S100Z: variants seen among roughly 807,000 people sequenced by gnomAD.
S100Z encodes the protein S100 calcium binding protein Z.
In S100Z, 11 loss-of-function variants were observed where a neutral mutation model predicts 8.5. The ratio of observed to expected loss-of-function variants is 1.30; its 90% CI spans 0.82 to 2.15. S100Z has a LOEUF of 2.15. S100Z is among the 30% of genes most tolerant of loss of function. The pLI is 0.00. For synonymous variants in S100Z, 34 were observed against 43.8 expected (o/e 0.78, Z 0.89); for missense variants, 126 against 117.9 (o/e 1.07, Z -0.32).
intron 1 of S100Z, among the ~76,000 whole-genome samples, chr5:76,857,963 A>G (rs1054839032): frequency 1.3e-5 from 2 of 152,210 alleles, no homozygotes; most frequent in Admixed American, 1.3e-4. Context: ...AGCTAACTTA[A>G]AAAGTGGCTT....
At chr5:76,880,368 A>G (rs1352454687) in intron 4 of S100Z, among the ~76,000 whole-genome samples, 1 of 152,136 alleles carries the variant, frequency 6.6e-6, no homozygotes, top group Non-Finnish European at 1.5e-5. Flanking sequence ...AAAATAAAAC[A>G]AAATAGTGGT....
chr5:76,909,617 C>A (rs754316393), intron 4 of S100Z, among the ~76,000 whole-genome samples: 1 of 152,138 alleles, frequency 6.6e-6, no homozygotes, highest in Admixed American at 6.5e-5. Flanking sequence ...TAATCTCCCC[C>A]GCCCAGAAGG....
chr5:76,860,268 T>C (rs191057040), intron 1 of S100Z, among the ~76,000 whole-genome samples: 1 of 152,262 alleles, frequency 6.6e-6, no homozygotes, highest in East Asian at 1.9e-4. Flanking sequence ...ATTGCCACTG[T>C]AGCCAGTATA....
At chr5:76,873,856 C>T (rs191484647) in intron 2 of S100Z, among the ~76,000 whole-genome samples, 1 of 152,192 alleles carries the variant, frequency 6.6e-6, no homozygotes. Flanking sequence ...TACATGGACT[C>T]TTTCTTTATT....
At chr5:76,863,643 A>G (rs1006354988) in intron 1 of S100Z, among the ~76,000 whole-genome samples, 6 of 152,106 alleles carry the variant, frequency 3.9e-5, no homozygotes, top group East Asian at 1.9e-4. Context: ...GGTTCACGCC[A>G]TTCTCCTGCC....
the S100Z span, among the ~76,000 whole-genome samples, chr5:76,937,496 C>A: frequency 6.6e-6 from 1 of 151,952 alleles, no homozygotes; most frequent in East Asian, 1.9e-4. Flanking sequence ...TGGCTCATGC[C>A]TATAATCCCA....
At chr5:76,894,336 C>A (rs1333684794) in intron 4 of S100Z, among the ~76,000 whole-genome samples, 2 of 152,142 alleles carry the variant, frequency 1.3e-5, no homozygotes, top group Admixed American at 1.3e-4. Flanking sequence ...CTCATGCTTC[C>A]CTAAAATGTA....
chr5:76,887,506 T>C (rs758822708), intron 4 of S100Z, among the ~76,000 whole-genome samples: 4 of 149,876 alleles, frequency 2.7e-5, no homozygotes, highest in Non-Finnish European at 5.9e-5. Flanking sequence ...TTCAAGCAAT[T>C]CTCATGCCTC....
chr5:76,906,985 T>TATATATATATATATATAC (rs1744463798), intron 4 of S100Z, among the ~76,000 whole-genome samples: 1 of 9,494 alleles, frequency 1.1e-4, no homozygotes, highest in Non-Finnish European at 2.0e-4. Flanking sequence ...TGTATATATA[T>TATATATATATATATATAC]ATATATATAT....
At chr5:76,852,059 T>TA (rs200830665) in intron 1 of S100Z, among the ~76,000 whole-genome samples, 5,383 of 145,078 alleles carry the variant, frequency 0.037, 150 homozygotes, top group African/African-American at 0.078. Flanking sequence ...CTTTTTCTTT[T>TA]AAAAAAAAAA....
downstream of S100Z, among the ~76,000 whole-genome samples, chr5:76,925,381 G>A (rs951552561): frequency 6.6e-6 from 1 of 152,114 alleles, no homozygotes; most frequent in Admixed American, 6.5e-5. Flanking sequence ...CCGGGGCTTC[G>A]CCTTGTGAAG....
chr5:76,930,394 C>G, the S100Z span, among the ~76,000 whole-genome samples: 4 of 152,148 alleles, frequency 2.6e-5, no homozygotes, highest in African/African-American at 9.7e-5. Context: ...ATGATACACC[C>G]AAGGTCCCTA....
At chr5:76,863,589 A>G (rs143471393) in intron 1 of S100Z, among the ~76,000 whole-genome samples, 1,761 of 152,064 alleles carry the variant, frequency 0.012, 33 homozygotes, top group African/African-American at 0.04. Flanking sequence ...CCCAGGCTGG[A>G]GTGCAGTGGC....
At chr5:76,902,875 G>A (rs1744284074) in intron 4 of S100Z, among the ~76,000 whole-genome samples, 1 of 152,056 alleles carries the variant, frequency 6.6e-6, no homozygotes, top group South Asian at 2.1e-4. Context: ...AAACATTCTT[G>A]GATTTTTCTG....
chr5:76,894,016 C>T (rs916629085), intron 4 of S100Z, among the ~76,000 whole-genome samples: 1 of 152,180 alleles, frequency 6.6e-6, no homozygotes, highest in African/African-American at 2.4e-5. Context: ...ACCTGAAAGA[C>T]TGGTTCAGGT....
intron 1 of S100Z, among the ~76,000 whole-genome samples, chr5:76,861,836 T>C (rs77030086): frequency 0.042 from 6,363 of 152,320 alleles, 236 homozygotes; most frequent in African/African-American, 0.1. Flanking sequence ...GTCATCAGTA[T>C]AAATAACGCA....
chr5:76,907,023 T>TATAC (rs1744478883), intron 4 of S100Z, among the ~76,000 whole-genome samples: 6 of 89,918 alleles, frequency 6.7e-5, no homozygotes, highest in South Asian at 3.5e-4. Context: ...TATATATATA[T>TATAC]ACATATATAT....
chr5:76,943,225 A>T, the S100Z span, among the ~76,000 whole-genome samples: 3 of 152,152 alleles, frequency 2.0e-5, no homozygotes, highest in Non-Finnish European at 2.9e-5. Context: ...GAGGACCGAA[A>T]CAGCTAGGGC....
chr5:76,904,331 G>A (rs1014700653), intron 4 of S100Z, among the ~76,000 whole-genome samples: 3 of 151,990 alleles, frequency 2.0e-5, no homozygotes, highest in Non-Finnish European at 4.4e-5. Flanking sequence ...AGTAGCTGGA[G>A]TGCATTGGCA....
Sources: allele counts gnomAD v4.1 joint callset (sites outside exome capture counted in the v4.1 genomes callset), GRCh38; gene constraint gnomAD v4.1.1; transcripts MANE v1.5; gene names NCBI Gene and HGNC (gene_info 2026-07-23, HGNC 2026-07-21).